The following KIFC1 variants were observed in gnomAD, a reference collection of about 807,000 sequenced individuals.
KIFC1 encodes the protein kinesin-like protein KIFC1.
A neutral mutation model predicts 66.6 loss-of-function variants in KIFC1; 37 were observed. The ratio of observed to expected loss-of-function variants is 0.56; its 90% CI spans 0.43 to 0.73. The LOEUF (loss-of-function observed/expected upper bound fraction) is 0.73. KIFC1 is among the 30% of genes least tolerant of loss of function. The pLI is 0.00. For synonymous variants in KIFC1, 325 were observed against 343.5 expected (o/e 0.95, Z 0.60); for missense variants, 721 against 859.8 (o/e 0.84, Z 2.02).
rs3066474 is a variant in KIFC1 at position 33,409,705 on chromosome 6, CTG to C, written c.*63_*64del. ...ACAGGAAGTGAAGACGGATCCAGAT[CTG>C]TGTGTGTGTGTGTGTGTGTGTGTGT... On this transcript the variant is annotated 3_prime_UTR_variant, in exon 11 of 11. Coordinates refer to ENST00000428849, the MANE Select transcript of KIFC1 (RefSeq NM_002263.4). 75,800 of 1,237,868 alleles carry C rather than the reference CTG, an allele frequency of 0.061. 3,302 individuals are homozygous for C. The highest frequency in any genetic ancestry group is 0.11 in the East Asian group (4,327 of 38,318). The allele number at this position is 1,237,868 out of a possible 1,614,324, so 76.7% of individuals were successfully genotyped here.
chr6:33,405,731 A>T lies in KIFC1; in HGVS notation c.1536+100A>T. 8.1e-7 allele frequency: 1 copy of T among 1,236,008 alleles called. No individual in the cohort carries two copies. Among genetic ancestry groups the T allele is most frequent in the Non-Finnish European group, 1.1e-6 (1 of 931,394 alleles). The allele number at this position is 1,236,008 out of a possible 1,614,324, so 76.6% of individuals were successfully genotyped here. On this transcript the variant is annotated intron_variant, in intron 7 of 10. Transcript: ENST00000428849. The surrounding 1 kb of genome is among the most constrained non-coding windows in gnomAD (Gnocchi z 5.4). The stretch of plus-strand genomic sequence containing the variant: ...GAAAGGAGCAAGAGAGAATTGAAGG[A>T]TGAAGTGCAAGTTATCAGGCTGGGT...
At chr6:33,407,039 G>C in intron 10 of KIFC1, 164 bp downstream of exon 10, 1 of 1,419,072 alleles carries the variant, frequency 7.0e-7, no homozygotes, top group Non-Finnish European at 9.2e-7. Context: ...ATTAGCTTTT[G>C]AGTTAAGTTT....
In KIFC1 at chr6:33,405,270, C is replaced by T. The variant is rs769529120; in HGVS notation, c.1175C>T (p.Ala392Val). The change falls in exon 7 of 11, where the codon GCC (alanine) becomes GTC (valine). Residue 392 changes from alanine to valine, a missense_variant. By Grantham distance (64) the Ala-to-Val change is moderately conservative. Coordinates refer to ENST00000428849, the MANE Select transcript of KIFC1 (RefSeq NM_002263.4). The surrounding 1 kb of genome is among the most constrained non-coding windows in gnomAD (Gnocchi z 5.4). ...SGQDEVFEEIAMLVQSALDGY... is the reference protein window; with the variant it reads ...SGQDEVFEEIVMLVQSALDGY... ...CAGGATGAAGTGTTTGAAGAGATTG[C>T]CATGCTTGTCCAGTCAGCCCTGGAT... The T allele has an allele frequency of 2.5e-6, 4 of 1,614,176 alleles. No individual in the cohort carries two copies. In the East Asian group the frequency reaches 8.9e-5, roughly 36 times the overall value.
At chr6:33,408,345 C>T (rs1167557440) in intron 10 of KIFC1, among the ~76,000 whole-genome samples, 2 of 152,184 alleles carry the variant, frequency 1.3e-5, no homozygotes, top group Non-Finnish European at 1.5e-5. Flanking sequence ...CTGGTTGCTT[C>T]CTCTTTCCCC....
chr6:33,392,033 A>T, intron 1 of KIFC1, 36 bp downstream of exon 1: 1 of 1,611,522 alleles, frequency 6.2e-7, no homozygotes, highest in Non-Finnish European at 8.5e-7. Flanking sequence ...TGCCCTGGGG[A>T]TGGGGACGAA....
chr6:33,392,009 CG>C lies in KIFC1; in HGVS notation c.12+14del, dbSNP rs762704727. 156 of 1,613,628 alleles carry C rather than the reference CG, an allele frequency of 9.7e-5. No individual in the cohort carries two copies. In the African/African-American group the frequency reaches 1.9e-3, roughly 20 times the overall value. ...ACATGGATCCGCAGGTGAGTAGGGGCGGCGCAGGTGTCCTGCCCTGGGGATG... is the reference window on the plus strand; with the variant it reads ...ACATGGATCCGCAGGTGAGTAGGGGCGCGCAGGTGTCCTGCCCTGGGGATG... On this transcript the variant is annotated intron_variant, in intron 1 of 10. Coordinates refer to ENST00000428849, the MANE Select transcript of KIFC1 (RefSeq NM_002263.4).
chr6:33,400,104 G>A lies in KIFC1; in HGVS notation c.250+1717G>A, dbSNP rs1775299225. ...CAGCACCACTGTTGATGTCATCTAT[G>A]ATGTCATGAGGGTGGTGGCCATCAA... On this transcript the variant is annotated intron_variant, in intron 3 of 10. Transcript: ENST00000428849. The surrounding 1 kb of genome is among the most constrained non-coding windows in gnomAD (Gnocchi z 4.3). The A allele has an allele frequency of 1.2e-6, 1 of 804,420 alleles. No individual in the cohort carries two copies. The highest frequency in any genetic ancestry group is 1.3e-5 in the South Asian group (1 of 75,194). The allele number at this position is 804,420 out of a possible 1,614,324, so 49.8% of individuals were successfully genotyped here.
intron 1 of KIFC1, among the ~76,000 whole-genome samples, chr6:33,395,713 T>C (rs1774997088): frequency 6.6e-6 from 1 of 152,204 alleles, no homozygotes; most frequent in African/African-American, 2.4e-5. Context: ...CTGTAGCAGA[T>C]CCACTACGGT....
At chr6:33,397,934 G>C (rs930429132) in intron 1 of KIFC1, 95 bp from the exon 2 acceptor site, 1 of 1,310,882 alleles carries the variant, frequency 7.6e-7, no homozygotes, top group Non-Finnish European at 1.1e-6. Flanking sequence ...AGTGCTTGGT[G>C]GTGGTGTTGA....
At chr6:33,396,192 G>A (rs758912608) in intron 1 of KIFC1, among the ~76,000 whole-genome samples, 1 of 152,050 alleles carries the variant, frequency 6.6e-6, no homozygotes, top group Non-Finnish European at 1.5e-5. Flanking sequence ...CTGTATCACG[G>A]GTAGCTCAAA....
intron 3 of KIFC1, among the ~76,000 whole-genome samples, chr6:33,398,588 C>T (rs577184662): frequency 1.2e-4 from 18 of 152,252 alleles, no homozygotes; most frequent in Admixed American, 2.0e-4. Context: ...CTCAGCCTCC[C>T]GAGTAGCTGG....
chr6:33,391,568 AG>A (rs1774781163), upstream of KIFC1: 2 of 241,756 alleles, frequency 8.3e-6, no homozygotes, highest in Admixed American at 5.5e-5. Flanking sequence ...TGACGTAGCG[AG>A]CGACGGCGGG....
chr6:33,395,894 CTTT>C (rs1775007755), intron 1 of KIFC1, among the ~76,000 whole-genome samples: 1 of 152,022 alleles, frequency 6.6e-6, no homozygotes, highest in East Asian at 1.9e-4. Context: ...CTTTTTTTCC[CTTT>C]TTATTTTTAT....
chr6:33,392,876 G>A (rs900914285), intron 1 of KIFC1, among the ~76,000 whole-genome samples: 4 of 152,188 alleles, frequency 2.6e-5, no homozygotes, highest in Non-Finnish European at 5.9e-5. Context: ...CATGCTAGGC[G>A]TGGTTGTAGG....
intron 1 of KIFC1, among the ~76,000 whole-genome samples, chr6:33,397,825 C>T (rs908765984): frequency 6.6e-6 from 1 of 152,164 alleles, no homozygotes; most frequent in Admixed American, 6.5e-5. Context: ...TAGTCAAGTC[C>T]AGCTTTTCCC....
rs1231398685 is a variant in KIFC1, at chr6:33,406,444, C to T, written c.1785C>T (p.Ser595=). 1 of 1,600,454 alleles carries T rather than the reference C, an allele frequency of 6.2e-7. No homozygotes were observed. The highest frequency in any genetic ancestry group is 2.2e-5 in the East Asian group (1 of 44,694). ...RLRETQAINS[S]LSTLGLVIMA... is the part of the protein sequence containing the mutation. The stretch of plus-strand genomic sequence containing the variant: ...GGGAAACACAGGCCATTAACAGCAG[C>T]CTGTCCACGCTGGGGCTGGTTATCA... Residue 595 remains serine, a synonymous_variant, in exon 8 of 11, where the codon AGC becomes AGT. Coordinates refer to ENST00000428849, the MANE Select transcript of KIFC1 (RefSeq NM_002263.4). The surrounding 1 kb of genome is among the most constrained non-coding windows in gnomAD (Gnocchi z 4.5).
Position 33,409,705 on chromosome 6 carries a change from C to CTATGTG in KIFC1, c.*16_*17insATGTGT. On this transcript the variant is annotated 3_prime_UTR_variant, in exon 11 of 11. Coordinates refer to ENST00000428849, the MANE Select transcript of KIFC1 (RefSeq NM_002263.4). Reference sequence around the variant, plus strand: ...ACAGGAAGTGAAGACGGATCCAGATCTGTGTGTGTGTGTGTGTGTGTGTGT... The same window carrying CTATGTG: ...ACAGGAAGTGAAGACGGATCCAGATCTATGTGTGTGTGTGTGTGTGTGTGTGTGTGT... 1 of 1,261,058 alleles carries CTATGTG rather than the reference C, an allele frequency of 7.9e-7. No homozygotes were observed. The highest frequency in any genetic ancestry group is 1.1e-6 in the Non-Finnish European group (1 of 911,104). 78.1% of individuals were successfully genotyped at this position (1,261,058 alleles called of 1,614,324 possible).
rs1562829050 is a variant in KIFC1, at chr6:33,398,089, C to T, written c.73C>T (p.Pro25Ser). 1 of 1,613,968 alleles carries T rather than the reference C, an allele frequency of 6.2e-7. No individual in the cohort carries two copies. The highest frequency in any genetic ancestry group is 8.5e-7 in the Non-Finnish European group (1 of 1,179,912). ...ACTGAAGAGACCTCTGATTAAGGCC[C>T]CTTCCCAGCTGCCTCTCTCAGGAAG... ...IELKRPLIKAPSQLPLSGSRL... is the reference protein window; with the variant it reads ...IELKRPLIKASSQLPLSGSRL... Residue 25 changes from proline to serine, a missense_variant, in exon 2 of 11, where the codon CCT (proline) becomes TCT (serine). Coordinates refer to ENST00000428849, the MANE Select transcript of KIFC1 (RefSeq NM_002263.4).
Position 33,405,381 on chromosome 6 carries a change from A to G in KIFC1, c.1286A>G (p.Gln429Arg). ...TMEGGPGGDP[Q>R]LEGLIPRALR... ...GAGGGTGGGCCTGGGGGAGACCCCC[A>G]GTTGGAGGGGCTGATCCCTCGGGCC... The change falls in exon 7 of 11, where the codon CAG becomes CGG. Residue 429 changes from glutamine to arginine, a missense_variant. Gln to Arg is a conservative substitution (Grantham distance 43). Coordinates refer to ENST00000428849, the MANE Select transcript of KIFC1 (RefSeq NM_002263.4). This position sits in a 1 kb window ranked among gnomAD's most constrained non-coding sequence, Gnocchi z 5.4. The G allele has an allele frequency of 6.2e-7, 1 of 1,608,922 alleles. No homozygotes were observed. Among genetic ancestry groups the G allele is most frequent in the Non-Finnish European group, 8.5e-7 (1 of 1,176,368 alleles).
Sources: allele counts gnomAD v4.1 joint callset (sites outside exome capture counted in the v4.1 genomes callset), GRCh38; gene constraint gnomAD v4.1.1; non-coding constraint Gnocchi (gnomAD v3.1); transcripts MANE v1.5; gene names NCBI Gene and HGNC (gene_info 2026-07-23, HGNC 2026-07-21).